The following ETV6 variants were observed in gnomAD, a reference collection of about 807,000 sequenced individuals.
ETV6 encodes transcription factor ETV6.
In ETV6, 16 loss-of-function variants were observed where a neutral mutation model predicts 51.1. The observed-to-expected ratio is 0.31, with a 90% CI of 0.21 to 0.48. ETV6 has a LOEUF of 0.48. Among genes scored for constraint, ETV6 ranks in the 20% least tolerant of loss-of-function variants. The pLI, the probability that ETV6 is intolerant of heterozygous loss-of-function variation, is 0.99. For missense variants in ETV6, 458 were observed against 594.8 expected (o/e 0.77, Z 2.39); for synonymous variants, 240 against 224.1 (o/e 1.07, Z -0.64).
chr12:11,815,604 C>T (rs550682620), intron 2 of ETV6, among the ~76,000 whole-genome samples: 1 of 149,078 alleles, frequency 6.7e-6, no homozygotes, highest in South Asian at 2.1e-4. Flanking sequence ...GCCCATGCAG[C>T]TGACTCACCT....
intron 1 of ETV6, among the ~76,000 whole-genome samples, chr12:11,744,427 C>CCA (rs1865870622): frequency 6.6e-6 from 1 of 152,146 alleles, no homozygotes; most frequent in Non-Finnish European, 1.5e-5. Context: ...GATTTAGTGA[C>CCA]CCTCTTTCAA....
chr12:11,780,679 A>T (rs1393194320), intron 2 of ETV6, among the ~76,000 whole-genome samples: 1 of 152,100 alleles, frequency 6.6e-6, no homozygotes, highest in East Asian at 1.9e-4. Context: ...GGAATTGGTC[A>T]CTCCCTTAAG....
intron 1 of ETV6, among the ~76,000 whole-genome samples, chr12:11,676,722 C>T (rs1198877551): frequency 1.3e-5 from 2 of 152,146 alleles, no homozygotes; most frequent in African/African-American, 4.8e-5. Flanking sequence ...CATCATTTGT[C>T]AATAAGCCCA....
chr12:11,830,908 T>G (rs781098681), intron 2 of ETV6, among the ~76,000 whole-genome samples: 4 of 152,164 alleles, frequency 2.6e-5, no homozygotes, highest in African/African-American at 4.8e-5. Context: ...AGGGTGAGAA[T>G]AAAAACATGA....
At chr12:11,792,700 A>AT (rs397687447) in intron 2 of ETV6, among the ~76,000 whole-genome samples, 1 of 151,600 alleles carries the variant, frequency 6.6e-6, no homozygotes, top group African/African-American at 2.4e-5. Context: ...AAAAAAAAAA[A>AT]TTAATCCTCT....
At chr12:11,801,444 A>G (rs138185902) in intron 2 of ETV6, among the ~76,000 whole-genome samples, 37 of 152,338 alleles carry the variant, frequency 2.4e-4, no homozygotes, top group Non-Finnish European at 4.9e-4. Flanking sequence ...ATCACATTCT[A>G]TTGAGCTGAA....
intron 4 of ETV6, among the ~76,000 whole-genome samples, chr12:11,854,183 C>T (rs1033614168): frequency 5.3e-5 from 8 of 151,888 alleles, no homozygotes; most frequent in African/African-American, 1.5e-4. Flanking sequence ...AACTAGATCC[C>T]GCGCATGCAC....
intron 2 of ETV6, among the ~76,000 whole-genome samples, chr12:11,755,322 C>T (rs1289517230): frequency 2.6e-5 from 4 of 152,200 alleles, no homozygotes; most frequent in Non-Finnish European, 4.4e-5. Context: ...AGTAGTTAGA[C>T]TATGGATTCA....
chr12:11,726,698 A>T (rs1421617237), intron 1 of ETV6, among the ~76,000 whole-genome samples: 2 of 152,168 alleles, frequency 1.3e-5, no homozygotes, highest in East Asian at 3.8e-4. Context: ...TGAGCCCAGG[A>T]GTTCAAGGCT....
At chr12:11,821,913 A>G (rs1946086813) in intron 2 of ETV6, among the ~76,000 whole-genome samples, 1 of 152,094 alleles carries the variant, frequency 6.6e-6, no homozygotes, top group Non-Finnish European at 1.5e-5. Context: ...ACACACTCAC[A>G]TATATCTCAC....
intron 2 of ETV6, among the ~76,000 whole-genome samples, chr12:11,790,862 G>C (rs1945575525): frequency 6.6e-6 from 1 of 151,950 alleles, no homozygotes; most frequent in African/African-American, 2.4e-5. Context: ...ATTTTTAGTA[G>C]AGACGGGCTT....
intron 5 of ETV6, among the ~76,000 whole-genome samples, chr12:11,872,494 C>CTTTTT (rs10528272): frequency 7.0e-6 from 1 of 142,652 alleles, no homozygotes; most frequent in Non-Finnish European, 1.5e-5. Context: ...AATTATATTA[C>CTTTTT]TTTTTTTTTT....
At chr12:11,855,136 A>G (rs1252445196) in intron 4 of ETV6, among the ~76,000 whole-genome samples, 2 of 69,662 alleles carry the variant, frequency 2.9e-5, no homozygotes, top group East Asian at 1.1e-3. Context: ...TCTACTAAAA[A>G]TACAAAAAAA....
intron 5 of ETV6, among the ~76,000 whole-genome samples, chr12:11,877,595 C>T (rs1398212063): frequency 1.3e-5 from 2 of 152,190 alleles, no homozygotes; most frequent in African/African-American, 4.8e-5. Flanking sequence ...CTTCCTCCCA[C>T]ACTATCTCAG....
In ETV6 at chr12:11,768,435, G is replaced by A. The variant is rs1359956066; in HGVS notation, c.163+15856G>A. 4.6e-5 allele frequency among the ~76,000 whole-genome samples: 7 copies of A among 152,322 alleles called. No homozygotes were observed. The South Asian group carries it at 6.2e-4, about 14-fold the overall frequency. Reference sequence around the variant, plus strand: ...CATACAGAAACTAGGGCTTAGAGATGGTAAGTAATTGGGTCAAGGCCACAG... The same window carrying A: ...CATACAGAAACTAGGGCTTAGAGATAGTAAGTAATTGGGTCAAGGCCACAG... On this transcript the variant is annotated intron_variant, in intron 2 of 7. Transcript: ENST00000396373.
chr12:11,751,897 A>T, intron 1 of ETV6: 2 of 487,254 alleles, frequency 4.1e-6, no homozygotes, highest in South Asian at 1.5e-5. Context: ...ATAGTGAGAT[A>T]GGTGGACAAT....
At chr12:11,691,497 T>C (rs567950129) in intron 1 of ETV6, among the ~76,000 whole-genome samples, 1 of 152,210 alleles carries the variant, frequency 6.6e-6, no homozygotes, top group East Asian at 1.9e-4. Context: ...ATGGAACACA[T>C]AAAAACATAA....
intron 2 of ETV6, among the ~76,000 whole-genome samples, chr12:11,790,679 CT>C (rs5796466): frequency 0.63 from 63,200 of 100,284 alleles, 18,385 homozygotes; most frequent in Middle Eastern, 0.72. Context: ...AGAGGATAAA[CT>C]TTTTTTTTTT....
chr12:11,702,822 C>T (rs2120845319), intron 1 of ETV6, among the ~76,000 whole-genome samples: 1 of 152,236 alleles, frequency 6.6e-6, no homozygotes, highest in South Asian at 2.1e-4. Context: ...ACTCAGGATC[C>T]TTAAAAGGTT....
Sources: allele counts gnomAD v4.1 joint callset (sites outside exome capture counted in the v4.1 genomes callset), GRCh38; gene constraint gnomAD v4.1.1; transcripts MANE v1.5; gene names NCBI Gene and HGNC (gene_info 2026-07-23, HGNC 2026-07-21).